Variants in MYO18B observed in about 807,000 individuals in gnomAD.
The protein encoded by MYO18B is myosin XVIIIB.
MYO18B carries 204 observed loss-of-function variants against 273.0 expected under a neutral mutation model. The ratio of observed to expected loss-of-function variants is 0.75; its 90% confidence interval spans 0.67 to 0.84. The LOEUF (loss-of-function observed/expected upper bound fraction) is 0.84, where lower values mean the gene tolerates loss of function less well. Ranked by LOEUF, MYO18B falls within the 40% of genes least tolerant of loss-of-function variation. The pLI is 0.00. For missense variants in MYO18B, 3,212 were observed against 3,287.6 expected, an observed-to-expected ratio of 0.98 and a Z score of 0.56; for synonymous variants, 1,330 against 1,305.7, an observed-to-expected ratio of 1.02 and a Z score of -0.40.
At chr22:25,960,729 C>T (rs1480554934) in intron 39 of MYO18B, among the ~76,000 whole-genome samples, 1 of 152,168 alleles carries the variant, frequency 6.6e-6, no homozygotes, top group African/African-American at 2.4e-5. Context: ...TAAGCATCAT[C>T]CCCTCCAGTC....
At chr22:26,001,226 G>A (rs1195168488) in intron 40 of MYO18B, among the ~76,000 whole-genome samples, 1 of 152,174 alleles carries the variant, frequency 6.6e-6, no homozygotes, top group Non-Finnish European at 1.5e-5. Context: ...GGTAGAAAAA[G>A]CATTGAGATT....
chr22:25,855,273 C>G (rs1262787838), intron 21 of MYO18B, among the ~76,000 whole-genome samples: 1 of 142,666 alleles, frequency 7.0e-6, no homozygotes, highest in Non-Finnish European at 1.5e-5. Flanking sequence ...CTGCAAAGGA[C>G]GTTATCTCAT....
At chr22:25,794,056 C>G (rs977729789) in intron 11 of MYO18B, among the ~76,000 whole-genome samples, 17 of 152,196 alleles carry the variant, frequency 1.1e-4, no homozygotes, top group East Asian at 5.8e-4. Flanking sequence ...GCCTCAGCCT[C>G]CTGAGTAGCT....
At chr22:26,003,596 G>C (rs1382333415) in intron 41 of MYO18B, among the ~76,000 whole-genome samples, 5 of 152,262 alleles carry the variant, frequency 3.3e-5, no homozygotes, top group Middle Eastern at 3.4e-3. Flanking sequence ...TTTGTATTCT[G>C]CACATTCAGA....
intron 27 of MYO18B, among the ~76,000 whole-genome samples, chr22:25,893,813 AT>A (rs2146294914): frequency 1.3e-5 from 2 of 151,192 alleles, no homozygotes; most frequent in African/African-American, 4.9e-5. Flanking sequence ...CCACCCATCC[AT>A]CCATTTATCC....
At chr22:25,766,830 C>A (rs2086522801) in intron 3 of MYO18B, among the ~76,000 whole-genome samples, 1 of 152,312 alleles carries the variant, frequency 6.6e-6, no homozygotes, top group East Asian at 1.9e-4. Context: ...AGGCTGTGGG[C>A]AGCTACCCAA....
intron 12 of MYO18B, among the ~76,000 whole-genome samples, chr22:25,817,648 A>G (rs1440777549): frequency 1.3e-5 from 2 of 152,170 alleles, no homozygotes; most frequent in Non-Finnish European, 2.9e-5. Flanking sequence ...CCACTGTCTC[A>G]TGGATCATTA....
chr22:25,816,216 C>T (rs2088996975), intron 12 of MYO18B, among the ~76,000 whole-genome samples: 1 of 152,138 alleles, frequency 6.6e-6, no homozygotes, highest in South Asian at 2.1e-4. Context: ...GGATTTTCTC[C>T]CGGGGTTTCT....
intron 37 of MYO18B, among the ~76,000 whole-genome samples, chr22:25,951,058 T>A (rs2092787344): frequency 6.6e-6 from 1 of 152,194 alleles, no homozygotes. Flanking sequence ...ATCTCTCTCC[T>A]TTTCACGTTT....
intron 28 of MYO18B, 140 bp downstream of exon 28, chr22:25,895,420 A>G: frequency 1.0e-6 from 1 of 952,898 alleles, no homozygotes; most frequent in Non-Finnish European, 1.5e-6. Context: ...TTCCATCTCC[A>G]CTATTATTAC....
Position 25,906,210 on chromosome 22 carries a change from A to C in MYO18B, c.5149-2112A>C, listed in dbSNP as rs75961810. Among the ~76,000 whole-genome samples, 1,025 of 152,296 alleles carry C rather than the reference A, an allele frequency of 6.7e-3. 17 individuals carry two copies. Among genetic ancestry groups the C allele is most frequent in the African/African-American group, 0.024 (984 of 41,558 alleles). On this transcript the variant is annotated intron_variant, in intron 31 of 43. Transcript: ENST00000335473. ...TATAATACAACACTTTTTCCAGGGAATTTTATGTTAACTCGTATAAGTTTG... is the reference window on the plus strand; with the variant it reads ...TATAATACAACACTTTTTCCAGGGACTTTTATGTTAACTCGTATAAGTTTG...
At chr22:25,906,801 C>T (rs957811722) in intron 31 of MYO18B, among the ~76,000 whole-genome samples, 1 of 152,090 alleles carries the variant, frequency 6.6e-6, no homozygotes, top group African/African-American at 2.4e-5. Flanking sequence ...GTGTGTGAAG[C>T]AGGAGCAGTC....
intron 34 of MYO18B, among the ~76,000 whole-genome samples, chr22:25,923,890 A>T (rs1462466390): frequency 1.3e-5 from 2 of 152,034 alleles, no homozygotes; most frequent in African/African-American, 4.8e-5. Flanking sequence ...TTTATTAAGT[A>T]TTCATGAGAA....
At chr22:25,923,578 C>G (rs1408431492) in intron 34 of MYO18B, among the ~76,000 whole-genome samples, 1 of 152,216 alleles carries the variant, frequency 6.6e-6, no homozygotes, top group African/African-American at 2.4e-5. Flanking sequence ...GTTTGTGATT[C>G]TAAGTGCAGA....
intron 13 of MYO18B, among the ~76,000 whole-genome samples, 156 bp from the exon 14 acceptor site, chr22:25,826,253 T>C (rs1249093009): frequency 6.6e-6 from 1 of 152,200 alleles, no homozygotes; most frequent in Non-Finnish European, 1.5e-5. Context: ...ACTTAGACTT[T>C]GTCCTAAGAA....
Position 26,027,386 on chromosome 22 carries a change from C to G in MYO18B, c.7412C>G (p.Ser2471Ter). 6.2e-7 allele frequency: 1 copy of G among 1,613,970 alleles called. No homozygotes were observed. Among genetic ancestry groups the G allele is most frequent in the African/African-American group, 1.3e-5 (1 of 75,032 alleles). Residue 2471 changes from serine to a stop codon, truncating the protein, a stop_gained, in exon 43 of 44, where the codon TCA becomes TGA. Transcript: ENST00000335473. LOFTEE classifies it low-confidence loss of function (END_TRUNC). This position sits in a 1 kb window ranked among gnomAD's most constrained non-coding sequence, Gnocchi z 4.1. ...AKGGQDGSQRSSIHFETEEAN... is the reference protein window; with the variant it reads ...AKGGQDGSQR ...GGTGGGCAAGACGGTTCACAGCGTTCAAGCATCCACTTTGAAACGGAAGAG... is the reference window on the plus strand; with the variant it reads ...GGTGGGCAAGACGGTTCACAGCGTTGAAGCATCCACTTTGAAACGGAAGAG...
At chr22:25,970,079 C>A (rs1211434227) in intron 39 of MYO18B, among the ~76,000 whole-genome samples, 1 of 152,138 alleles carries the variant, frequency 6.6e-6, no homozygotes, top group Non-Finnish European at 1.5e-5. Flanking sequence ...TTATCTTCAT[C>A]ACTGTCATCA....
chr22:25,898,016 A>G (rs1757198728), intron 28 of MYO18B: 1 of 317,908 alleles, frequency 3.1e-6, no homozygotes, highest in Admixed American at 4.6e-5. Flanking sequence ...AAGTTGAGGC[A>G]GGGTAGGTAA....
chr22:25,806,736 C>T (rs748782622), intron 12 of MYO18B, among the ~76,000 whole-genome samples: 1 of 152,190 alleles, frequency 6.6e-6, no homozygotes, highest in Admixed American at 6.5e-5. Context: ...TTGTGTATTT[C>T]GAATGGCAGG....
Sources: gnomAD v4.1 joint callset for allele counts (sites outside exome capture counted in the v4.1 genomes callset) on GRCh38, gnomAD v4.1.1 for gene constraint, Gnocchi (gnomAD v3.1) non-coding constraint, MANE v1.5 for transcripts, NCBI Gene and HGNC (gene_info 2026-07-23, HGNC 2026-07-21) for gene names.